The following PNPLA8 variants were observed in gnomAD, a reference collection of about 807,000 sequenced individuals.
The protein encoded by PNPLA8 is calcium-independent phospholipase A2-gamma.
Under a neutral mutation model 76.9 loss-of-function variants are expected in PNPLA8, and 39 were observed. The observed-to-expected ratio is 0.51, with a 90% CI of 0.39 to 0.66. The LOEUF is 0.66. PNPLA8 is among the 30% of genes least tolerant of loss of function. The probability of loss-of-function intolerance (pLI) is 0.00; values close to 1 mark genes in which losing one functional copy is unlikely to be tolerated. For missense variants in PNPLA8, 887 were observed against 918.0 expected (o/e 0.97, Z 0.44); for synonymous variants, 301 against 307.9 (o/e 0.98, Z 0.24).
At chr7:108,472,697 G>C (rs765860810) in intron 10 of PNPLA8, 22 bp from the exon 11 acceptor site, 1 of 1,514,318 alleles carries the variant, frequency 6.6e-7, no homozygotes, top group Non-Finnish European at 8.8e-7. Context: ...AAAAAGAAAA[G>C]GATAAGGGGA....
At chr7:108,491,516 C>T (rs1198147243) in intron 7 of PNPLA8, 49 bp from the exon 8 acceptor site, 1 of 1,154,112 alleles carries the variant, frequency 8.7e-7, no homozygotes, top group Admixed American at 1.7e-5. Flanking sequence ...ACTTTATCTC[C>T]TAACAACCAG....
intron 2 of PNPLA8, chr7:108,518,275 G>A (rs1863482592): frequency 6.6e-6 from 1 of 152,148 alleles, no homozygotes; most frequent in Non-Finnish European, 1.5e-5. Context: ...TATGATTCCA[G>A]CTGTATAACA....
intron 2 of PNPLA8, among the ~76,000 whole-genome samples, chr7:108,519,135 GAAGGA>G (rs1002968315): frequency 6.6e-6 from 1 of 150,626 alleles, no homozygotes; most frequent in Non-Finnish European, 1.5e-5. Context: ...GTAAAGATGA[GAAGGA>G]AAGGAGAGAA....
At position 108,497,567 on chromosome 7, in the gene PNPLA8, C is replaced by T. The variant is rs1598911813; in HGVS notation, c.1369G>A (p.Ala457Thr). Residue 457 changes from alanine to threonine, a missense_variant, in exon 6 of 11, where the codon GCT becomes ACT. Transcript: ENST00000257694. ...IDGGGTRGVVALQTLRKLVEL... is the reference protein window; with the variant it reads ...IDGGGTRGVVTLQTLRKLVEL... ...ACTAATTTTCGTAGGGTCTGGAGAGCAACCACGCCCCTACAGAAAAGATTA... is the reference window on the plus strand; with the variant it reads ...ACTAATTTTCGTAGGGTCTGGAGAGTAACCACGCCCCTACAGAAAAGATTA... 2 of 1,583,532 alleles carry T rather than the reference C, an allele frequency of 1.3e-6. No individual in the cohort carries two copies. Among genetic ancestry groups the T allele is most frequent in the Non-Finnish European group, 1.7e-6 (2 of 1,164,016 alleles).
In PNPLA8 at chr7:108,514,208, G is replaced by T; in HGVS notation, c.1142C>A (p.Thr381Asn). 3 of 1,608,014 alleles carry T rather than the reference G, an allele frequency of 1.9e-6. No individual in the cohort carries two copies. The highest frequency in any genetic ancestry group is 2.6e-6 in the Non-Finnish European group (3 of 1,174,578). ...RRTTDPKLCI[T>N]RVEELTFHLL... is the part of the protein sequence containing the mutation. The stretch of plus-strand genomic sequence containing the variant: ...ATGAAAAGTCAGTTCTTCAACCCTA[G>T]TAATGCAGAGCTTTGGGTCAGTTGT... The change falls in exon 4 of 11, where the codon ACT becomes AAT. Residue 381 changes from threonine to asparagine, a missense_variant. Physicochemically the swap from Thr to Asn is moderately conservative, Grantham distance 65 (BLOSUM62 0). Coordinates refer to ENST00000257694, the MANE Select transcript of PNPLA8 (RefSeq NM_001256007.3).
intron 4 of PNPLA8, among the ~76,000 whole-genome samples, chr7:108,513,398 C>G (rs892582500): frequency 4.6e-5 from 7 of 151,884 alleles, no homozygotes; most frequent in Non-Finnish European, 1.0e-4. Flanking sequence ...AATTTTTCAA[C>G]AAGGTAATTG....
At chr7:108,516,401 A>G (rs1863347215) in intron 2 of PNPLA8, among the ~76,000 whole-genome samples, 1 of 152,230 alleles carries the variant, frequency 6.6e-6, no homozygotes, top group South Asian at 2.1e-4. Context: ...TGACATCTGC[A>G]TGCAAATTAA....
rs1399337104 is a variant in PNPLA8 at position 108,472,537 on chromosome 7, A to G, written c.2213T>C (p.Ile738Thr). 1.9e-6 allele frequency: 3 copies of G among 1,612,150 alleles called. No individual in the cohort carries two copies. In the African/African-American group the frequency reaches 4.0e-5, roughly 22 times the overall value. The change falls in exon 11 of 11, where the codon ATA becomes ACA. Residue 738 changes from isoleucine to threonine, a missense_variant. Transcript: ENST00000257694. ...TTTCATTTTTTGTTCATTTCTTTCTATGTATTTCAACCCTTCCAACTGCAG... is the reference window on the plus strand; with the variant it reads ...TTTCATTTTTTGTTCATTTCTTTCTGTGTATTTCAACCCTTCCAACTGCAG... Reference protein sequence around the residue: ...DQLQLEGLKYIERNEQKMKKV... With the variant: ...DQLQLEGLKYTERNEQKMKKV...
chr7:108,476,916 A>T (rs566480315), intron 10 of PNPLA8, among the ~76,000 whole-genome samples: 1 of 152,296 alleles, frequency 6.6e-6, no homozygotes, highest in South Asian at 2.1e-4. Context: ...AGTAACATTT[A>T]CATGTGGAAT....
chr7:108,505,246 C>G (rs972312640), intron 4 of PNPLA8, among the ~76,000 whole-genome samples: 2 of 124,208 alleles, frequency 1.6e-5, no homozygotes, highest in African/African-American at 3.2e-5. Context: ...TAGATGAATA[C>G]TAGATAGAAG....
In PNPLA8 at chr7:108,515,400, A is replaced by G. The variant is rs1863262584; in HGVS notation, c.92T>C (p.Phe31Ser). The change falls in exon 3 of 11, where the codon TTC (phenylalanine) becomes TCC (serine). Residue 31 changes from phenylalanine to serine, a missense_variant. Transcript: ENST00000257694. The stretch of plus-strand genomic sequence containing the variant: ...CCAGTAATGCTTAGGTGAGAACAAG[A>G]AATACAGTTGCTTGCTTCTCTGCTT... ...CGKQRSKQLY[F>S]LFSPKHYWRI... 6.2e-7 allele frequency: 1 copy of G among 1,612,346 alleles called. No homozygotes were observed. The highest frequency in any genetic ancestry group is 8.5e-7 in the Non-Finnish European group (1 of 1,179,206).
At chr7:108,474,297 T>C (rs1379676859) in intron 10 of PNPLA8, among the ~76,000 whole-genome samples, 4 of 152,210 alleles carry the variant, frequency 2.6e-5, no homozygotes, top group Non-Finnish European at 5.9e-5. Context: ...TTTCAGCTCT[T>C]AGATTCAGGT....
chr7:108,506,844 A>G (rs965522006), intron 4 of PNPLA8, among the ~76,000 whole-genome samples: 1 of 152,212 alleles, frequency 6.6e-6, no homozygotes, highest in African/African-American at 2.4e-5. Context: ...TGGAGTGTTC[A>G]TAAGATTGTT....
intron 4 of PNPLA8, chr7:108,510,609 A>C: frequency 1.3e-6 from 2 of 1,555,094 alleles, no homozygotes; most frequent in Admixed American, 1.7e-5. Context: ...AAGCTCAACA[A>C]GGCTTCGACT....
intron 8 of PNPLA8, among the ~76,000 whole-genome samples, chr7:108,491,065 G>A (rs1861131142): frequency 6.6e-6 from 1 of 152,110 alleles, no homozygotes; most frequent in African/African-American, 2.4e-5. Context: ...AGCACTTTGG[G>A]AGGCCAAGGC....
intron 2 of PNPLA8, 99 bp from the exon 3 acceptor site, chr7:108,515,673 T>G (rs1227308962): frequency 3.5e-6 from 2 of 576,540 alleles, no homozygotes; most frequent in East Asian, 7.3e-5. Flanking sequence ...GCAAGCTGTC[T>G]CAAAAAAAGC....
Position 108,507,835 on chromosome 7 carries a change from T to C in PNPLA8, c.1207-5193A>G, listed in dbSNP as rs909787493. Among the ~76,000 whole-genome samples, 11 of 151,302 alleles carry C rather than the reference T, an allele frequency of 7.3e-5. 1 individual carries two copies. The highest frequency in any genetic ancestry group is 2.7e-4 in the African/African-American group (11 of 41,018). On this transcript the variant is annotated intron_variant, in intron 4 of 10. Transcript: ENST00000257694. ...AAAAAACTTATCCACCATGATCAAGTGGGCTTCATCCCTGGGATGCAAGGC... is the reference window on the plus strand; with the variant it reads ...AAAAAACTTATCCACCATGATCAAGCGGGCTTCATCCCTGGGATGCAAGGC...
chr7:108,514,027 T>C (rs1384047397), intron 4 of PNPLA8, 117 bp downstream of exon 4: 3 of 698,274 alleles, frequency 4.3e-6, no homozygotes, highest in Non-Finnish European at 7.5e-6. Context: ...ACATCACATG[T>C]ATAATAAAAA....
At chr7:108,490,536 C>T (rs879370618) in intron 8 of PNPLA8, among the ~76,000 whole-genome samples, 8 of 152,210 alleles carry the variant, frequency 5.3e-5, no homozygotes, top group Non-Finnish European at 1.0e-4. Context: ...GTAATCCCAG[C>T]ACTTTGGGAG....
Sources: allele counts gnomAD v4.1 joint callset (sites outside exome capture counted in the v4.1 genomes callset), GRCh38; gene constraint gnomAD v4.1.1; transcripts MANE v1.5; gene names NCBI Gene and HGNC (gene_info 2026-07-23, HGNC 2026-07-21).